NXN: variants seen among roughly 807,000 people sequenced by gnomAD.
NXN encodes nucleoredoxin.
Under a neutral mutation model 48.6 loss-of-function variants are expected in NXN, and 16 were observed. The ratio of observed to expected loss-of-function variants is 0.33; its 90% CI spans 0.22 to 0.50. The LOEUF (loss-of-function observed/expected upper bound fraction) is 0.50. NXN is among the 20% of genes least tolerant of loss of function. The pLI is 0.98. For synonymous variants in NXN, 281 were observed against 269.6 expected (o/e 1.04, Z -0.41); for missense variants, 492 against 605.5 (o/e 0.81, Z 1.97).
intron 6 of NXN, 140 bp downstream of exon 6, chr17:804,928 A>C (rs2144567333): frequency 2.2e-6 from 2 of 896,506 alleles, no homozygotes; most frequent in South Asian, 1.7e-5. Flanking sequence ...GTCAAAAGCA[A>C]GGCTTCAGGG....
At chr17:828,403 C>CT (rs745596555) in intron 1 of NXN, among the ~76,000 whole-genome samples, 16,417 of 88,824 alleles carry the variant, frequency 0.18, 2,029 homozygotes, top group African/African-American at 0.31. Flanking sequence ...CGTGCCTGGC[C>CT]TTTTTTTTTT....
intron 1 of NXN, among the ~76,000 whole-genome samples, chr17:836,381 G>A (rs1010970702): frequency 2.6e-5 from 4 of 152,162 alleles, no homozygotes; most frequent in African/African-American, 7.2e-5. Context: ...AAGCCTTCTC[G>A]GGCAAACGTC....
At chr17:838,932 T>A (rs1913979536) in intron 1 of NXN, among the ~76,000 whole-genome samples, 1 of 152,156 alleles carries the variant, frequency 6.6e-6, no homozygotes, top group Non-Finnish European at 1.5e-5. Context: ...GTGGGATAGA[T>A]CAAACGGTGG....
intron 1 of NXN, among the ~76,000 whole-genome samples, chr17:857,145 C>A (rs759425106): frequency 1.3e-5 from 2 of 152,162 alleles, no homozygotes; most frequent in African/African-American, 4.8e-5. Flanking sequence ...GGGTGGAAGT[C>A]GAAAGTCAGG....
intron 1 of NXN, among the ~76,000 whole-genome samples, chr17:937,417 A>G (rs1227284601): frequency 6.6e-6 from 1 of 152,080 alleles, no homozygotes; most frequent in Non-Finnish European, 1.5e-5. Flanking sequence ...CAAGGAACAC[A>G]CCTGGAGAAG....
At chr17:928,726 C>T (rs975551312) in intron 1 of NXN, among the ~76,000 whole-genome samples, 36 of 152,138 alleles carry the variant, frequency 2.4e-4, no homozygotes, top group Non-Finnish European at 2.8e-4. Context: ...ATCCCAGCTA[C>T]TCGGGAGGCT....
At chr17:952,559 G>T (rs1244171178) in intron 1 of NXN, among the ~76,000 whole-genome samples, 9 of 34,220 alleles carry the variant, frequency 2.6e-4, no homozygotes, top group African/African-American at 8.8e-4. Flanking sequence ...GTCACACTGT[G>T]GGGGGGCTGG....
intron 1 of NXN, among the ~76,000 whole-genome samples, chr17:847,979 CG>C (rs1241363945): frequency 2.0e-5 from 3 of 152,058 alleles, no homozygotes; most frequent in Non-Finnish European, 4.4e-5. Flanking sequence ...CATCAATTCT[CG>C]TCTCTCTTTC....
chr17:963,092 A>G (rs1426484457), intron 1 of NXN, among the ~76,000 whole-genome samples: 3 of 151,748 alleles, frequency 2.0e-5, no homozygotes, highest in Non-Finnish European at 2.9e-5. Flanking sequence ...ACACACTGAC[A>G]CTTTTAGCCT....
rs1415302182 is a variant in NXN, at chr17:805,230, T to C, written c.838A>G (p.Met280Val). The C allele has an allele frequency of 4.3e-6, 7 of 1,611,088 alleles. No individual in the cohort carries two copies. In the South Asian group the frequency reaches 4.4e-5, roughly 10 times the overall value. The change falls in exon 6 of 8, where the codon ATG becomes GTG. Residue 280 changes from methionine (M) to valine (V), a missense_variant. Coordinates refer to ENST00000336868, the MANE Select transcript of NXN (RefSeq NM_022463.5). ...YGIQGIPTLI[M>V]LDPQGEVITR... The stretch of plus-strand genomic sequence containing the variant: ...ATCACCTCGCCCTGCGGGTCCAGCA[T>C]GATGAGCGTGGGGATGCCTGCAGGG...
intron 1 of NXN, among the ~76,000 whole-genome samples, chr17:883,097 C>T (rs974535610): frequency 2.0e-5 from 3 of 152,064 alleles, no homozygotes; most frequent in South Asian, 2.1e-4. Flanking sequence ...GCGTGCACCT[C>T]GAGTCCTAGC....
chr17:930,094 TGGA>T (rs1194985703), intron 1 of NXN: 1 of 151,824 alleles, frequency 6.6e-6, no homozygotes, highest in African/African-American at 2.4e-5. Context: ...GTGTCTGGAA[TGGA>T]GGAGGACTGG....
In NXN at chr17:836,047, G is replaced by A. The variant is rs531369923; in HGVS notation, c.361-9969C>T. Among the ~76,000 whole-genome samples, 164 of 86,636 alleles carry A rather than the reference G, an allele frequency of 1.9e-3. 20 individuals are homozygous for A. Among genetic ancestry groups the A allele is most frequent in the Admixed American group, 3.6e-3 (34 of 9,326 alleles). 56.8% of individuals were successfully genotyped at this position (86,636 alleles called of 152,430 possible). A position where few individuals can be genotyped will look rare whatever the true frequency, so the allele number is the denominator to read the frequency against. On this transcript the variant is annotated intron_variant, in intron 1 of 7. Coordinates refer to ENST00000336868, the MANE Select transcript of NXN (RefSeq NM_022463.5). ...ACAGAGGCCGCAGGGGAAAAACACC[G>A]GTGGGATTCGTCAGCCCCCACAGAG...
intron 1 of NXN, among the ~76,000 whole-genome samples, chr17:841,606 CCACAGAG>C (rs1914289733): frequency 8.2e-6 from 1 of 121,610 alleles, no homozygotes; most frequent in African/African-American, 3.2e-5. Flanking sequence ...GTCCCCCCGA[CCACAGAG>C]CATCTCACAC....
chr17:841,042 G>A (rs924151907), intron 1 of NXN, among the ~76,000 whole-genome samples: 2 of 152,178 alleles, frequency 1.3e-5, no homozygotes, highest in African/African-American at 4.8e-5. Context: ...TCCCGGCTCT[G>A]CCACTTTGGG....
chr17:927,744 C>G (rs2068815720), intron 1 of NXN, among the ~76,000 whole-genome samples: 1 of 152,066 alleles, frequency 6.6e-6, no homozygotes. Context: ...ACCAGCCAGA[C>G]AGCACTGGCT....
At chr17:817,267 G>A (rs1037757743) in intron 5 of NXN, among the ~76,000 whole-genome samples, 7 of 152,178 alleles carry the variant, frequency 4.6e-5, no homozygotes, top group Non-Finnish European at 8.8e-5. Flanking sequence ...ATTCTCATAT[G>A]TACTTGGGAT....
In NXN at chr17:818,993, T is replaced by C. The variant is rs936631011; in HGVS notation, c.820+446A>G. 8.5e-5 allele frequency: 22 copies of C among 259,162 alleles called. No individual in the cohort carries two copies. In the Admixed American group the frequency reaches 9.9e-4, roughly 12 times the overall value. 16.1% of individuals were successfully genotyped at this position (259,162 alleles called of 1,614,324 possible). A position where few individuals can be genotyped will look rare whatever the true frequency, so the allele number is the denominator to read the frequency against. On this transcript the variant is annotated intron_variant, in intron 5 of 7. Transcript: ENST00000336868. Reference sequence around the variant, plus strand: ...ACAGAGTCTCCCTCTGTTGCCCAGGTTGGAGTGCAATAGCACAATCTCGGC... The same window carrying C: ...ACAGAGTCTCCCTCTGTTGCCCAGGCTGGAGTGCAATAGCACAATCTCGGC...
intron 1 of NXN, among the ~76,000 whole-genome samples, chr17:870,882 A>G (rs992817497): frequency 1.3e-5 from 2 of 151,868 alleles, no homozygotes; most frequent in African/African-American, 4.8e-5. Flanking sequence ...TTTTTGAGAC[A>G]GAGTCTCACT....
Sources: gnomAD v4.1 joint callset for allele counts (sites outside exome capture counted in the v4.1 genomes callset) on GRCh38, gnomAD v4.1.1 for gene constraint, MANE v1.5 for transcripts, NCBI Gene and HGNC (gene_info 2026-07-23, HGNC 2026-07-21) for gene names.